The following CACNA2D1 variants were observed in gnomAD, a reference collection of about 807,000 sequenced individuals.
CACNA2D1 encodes calcium voltage-gated channel auxiliary subunit alpha2delta 1.
A neutral mutation model predicts 171.5 loss-of-function variants in CACNA2D1; 53 were observed. The ratio of observed to expected loss-of-function variants is 0.31; its 90% CI spans 0.25 to 0.39. The LOEUF is 0.39. CACNA2D1 is among the 10% of genes least tolerant of loss of function. CACNA2D1 has a pLI of 1.00. For synonymous variants in CACNA2D1, 442 were observed against 443.1 expected (o/e 1.00, Z 0.03); for missense variants, 903 against 1,299.8 (o/e 0.69, Z 4.69).
chr7:82,411,675 T>G (rs1246626366), intron 1 of CACNA2D1, among the ~76,000 whole-genome samples: 3 of 152,154 alleles, frequency 2.0e-5, no homozygotes, highest in Non-Finnish European at 4.4e-5. Context: ...CCATTCTTTC[T>G]GGTATATGGA....
At chr7:82,039,701 A>G (rs7811209) in intron 10 of CACNA2D1, among the ~76,000 whole-genome samples, 43,120 of 152,148 alleles carry the variant, frequency 0.28, 6,474 homozygotes, top group Middle Eastern at 0.48. Context: ...CTCCTAAGAA[A>G]AGGCATTTCC....
chr7:82,195,817 T>C (rs1294236608), intron 3 of CACNA2D1, among the ~76,000 whole-genome samples: 1 of 151,940 alleles, frequency 6.6e-6, no homozygotes, highest in Non-Finnish European at 1.5e-5. Flanking sequence ...TTTGCAACTC[T>C]TAATGACTGG....
intron 1 of CACNA2D1, among the ~76,000 whole-genome samples, chr7:82,397,414 G>A (rs1025766839): frequency 4.0e-5 from 6 of 150,676 alleles, no homozygotes; most frequent in East Asian, 2.0e-4. Context: ...TTGGTCCTTC[G>A]TTTTTTTTCT....
chr7:81,992,483 G>A (rs1797646673), intron 20 of CACNA2D1, among the ~76,000 whole-genome samples: 1 of 151,952 alleles, frequency 6.6e-6, no homozygotes, highest in Non-Finnish European at 1.5e-5. Flanking sequence ...GTTGTGAAGA[G>A]GGCTTTGGAC....
intron 3 of CACNA2D1, among the ~76,000 whole-genome samples, chr7:82,208,195 T>C (rs1339820846): frequency 3.9e-5 from 6 of 152,186 alleles, no homozygotes; most frequent in Non-Finnish European, 7.4e-5. Context: ...AAATTGTTTT[T>C]TACCTTTTAA....
intron 18 of CACNA2D1, among the ~76,000 whole-genome samples, chr7:82,000,918 C>T (rs772660488): frequency 2.7e-5 from 4 of 150,544 alleles, no homozygotes; most frequent in Non-Finnish European, 5.9e-5. Flanking sequence ...CATGAGCCAC[C>T]GTGGCCGGCC....
chr7:82,012,413 T>A (rs1048024149), intron 14 of CACNA2D1, among the ~76,000 whole-genome samples, 170 bp from the exon 15 acceptor site: 1 of 152,182 alleles, frequency 6.6e-6, no homozygotes, highest in African/African-American at 2.4e-5. Flanking sequence ...ATAGGTGGTA[T>A]GGCTACGTTA....
chr7:82,256,792 T>C (rs1356838596), intron 3 of CACNA2D1, among the ~76,000 whole-genome samples: 2 of 152,184 alleles, frequency 1.3e-5, no homozygotes, highest in African/African-American at 4.8e-5. Flanking sequence ...ATAACTAAAA[T>C]AATACGAATC....
chr7:82,269,832 A>G (rs975947074), intron 3 of CACNA2D1, among the ~76,000 whole-genome samples: 1 of 152,150 alleles, frequency 6.6e-6, no homozygotes. Flanking sequence ...TCAAGCTCCA[A>G]TTCACTTTTC....
chr7:82,364,194 G>C (rs1010904752), intron 1 of CACNA2D1, among the ~76,000 whole-genome samples: 1 of 152,210 alleles, frequency 6.6e-6, no homozygotes, highest in Non-Finnish European at 1.5e-5. Context: ...TTGCACTCCA[G>C]CCTGGGTGAT....
intron 1 of CACNA2D1, among the ~76,000 whole-genome samples, chr7:82,412,046 C>T (rs1827726970): frequency 6.6e-6 from 1 of 152,078 alleles, no homozygotes; most frequent in Non-Finnish European, 1.5e-5. Flanking sequence ...TCACCAAACA[C>T]ATGACAAGTC....
chr7:82,220,393 A>G (rs1801617064), intron 3 of CACNA2D1, among the ~76,000 whole-genome samples: 1 of 152,194 alleles, frequency 6.6e-6, no homozygotes, highest in Non-Finnish European at 1.5e-5. Flanking sequence ...GTCAAAGCAC[A>G]TCTTTATGTT....
At chr7:82,425,126 T>C (rs750143592) in intron 1 of CACNA2D1, among the ~76,000 whole-genome samples, 5 of 152,172 alleles carry the variant, frequency 3.3e-5, no homozygotes, top group Admixed American at 6.5e-5. Flanking sequence ...ATCACTTGAT[T>C]TTCAATGAAT....
chr7:82,060,943 T>A (rs1339856918), intron 9 of CACNA2D1, among the ~76,000 whole-genome samples: 1 of 152,162 alleles, frequency 6.6e-6, no homozygotes, highest in Admixed American at 6.5e-5. Flanking sequence ...CACATAACAA[T>A]TATGATAACA....
chr7:82,194,001 G>C (rs1203645064), intron 3 of CACNA2D1, among the ~76,000 whole-genome samples: 2 of 151,770 alleles, frequency 1.3e-5, no homozygotes, highest in Non-Finnish European at 2.9e-5. Context: ...AATAATTTTG[G>C]CATCAAAATT....
chr7:82,295,959 G>C (rs1340937502), intron 3 of CACNA2D1, among the ~76,000 whole-genome samples: 2 of 151,918 alleles, frequency 1.3e-5, no homozygotes, highest in African/African-American at 4.8e-5. Context: ...GTCCTTTGTA[G>C]GGACATGGAT....
At chr7:82,407,492 A>C (rs73158792) in intron 1 of CACNA2D1, among the ~76,000 whole-genome samples, 27,439 of 152,168 alleles carry the variant, frequency 0.18, 3,107 homozygotes, top group East Asian at 0.46. Context: ...GTCTAGTAAG[A>C]GCAATGCTTG....
At chr7:82,326,526 T>C (rs1816670484) in intron 3 of CACNA2D1, among the ~76,000 whole-genome samples, 2 of 152,176 alleles carry the variant, frequency 1.3e-5, no homozygotes, top group South Asian at 4.1e-4. Flanking sequence ...GTTAGAAATA[T>C]ATGGAAAGTG....
At chr7:82,356,837 G>A (rs972636045) in intron 1 of CACNA2D1, among the ~76,000 whole-genome samples, 12 of 152,014 alleles carry the variant, frequency 7.9e-5, no homozygotes, top group Non-Finnish European at 1.5e-4. Context: ...TAAACCTCTA[G>A]AGTGCATGCC....
Sources: allele counts gnomAD v4.1 joint callset (sites outside exome capture counted in the v4.1 genomes callset), GRCh38; gene constraint gnomAD v4.1.1; transcripts MANE v1.5; gene names NCBI Gene and HGNC (gene_info 2026-07-23, HGNC 2026-07-21).